Variants in DST observed in about 807,000 individuals in gnomAD.
The protein encoded by DST is dystonin.
Under a neutral mutation model 875.2 loss-of-function variants are expected in DST, and 253 were observed. That is an observed-to-expected ratio of 0.29 (90% CI 0.26 to 0.32). The LOEUF (loss-of-function observed/expected upper bound fraction) is 0.32. Ranked by LOEUF, DST falls within the 10% of genes least tolerant of loss-of-function variation. The pLI is 1.00. For synonymous variants in DST, 3,124 were observed against 3,197.1 expected (o/e 0.98, Z 0.77); for missense variants, 8,287 against 9,111.6 (o/e 0.91, Z 3.68).
intron 5 of DST, among the ~76,000 whole-genome samples, chr6:56,716,261 T>C (rs1488277553): frequency 6.6e-6 from 1 of 152,210 alleles, no homozygotes; most frequent in Non-Finnish European, 1.5e-5. Context: ...TGTACATTTA[T>C]GGACAACTGG....
At chr6:56,611,890 C>T (rs1057258262) in intron 37 of DST, among the ~76,000 whole-genome samples, 7 of 152,194 alleles carry the variant, frequency 4.6e-5, no homozygotes, top group Admixed American at 6.5e-5. Context: ...AAGGTGGCCT[C>T]CACCCGCAGG....
At chr6:56,528,948 T>C in intron 66 of DST, 23 bp from the exon 67 acceptor site, 1 of 1,470,292 alleles carries the variant, frequency 6.8e-7, no homozygotes, top group South Asian at 1.2e-5. Context: ...GTACCATTTT[T>C]ATGTGGGGGG....
intron 3 of DST, among the ~76,000 whole-genome samples, chr6:56,859,203 C>T (rs1769670744): frequency 6.6e-6 from 1 of 152,158 alleles, no homozygotes; most frequent in African/African-American, 2.4e-5. Flanking sequence ...ATAGTGAGCA[C>T]TCTCCTATTC....
At chr6:56,583,982 T>C (rs2098085835) in intron 49 of DST, among the ~76,000 whole-genome samples, 2 of 152,350 alleles carry the variant, frequency 1.3e-5, no homozygotes, top group Non-Finnish European at 1.5e-5. Context: ...ACCATGCTGT[T>C]TTGGTTACTG....
Position 56,642,859 on chromosome 6 carries a change from G to A in DST, c.1779-356C>T, listed in dbSNP as rs1437670153. The A allele has an allele frequency of 1.9e-6, 3 of 1,606,364 alleles. No homozygotes were observed. The African/African-American group carries it at 4.0e-5, about 21-fold the overall frequency. ...CTAAAAGGTAGGAGGTCTGGAAAAA[G>A]CTCTACTTCTAACGGTGAAAAGTGG... On this transcript the variant is annotated intron_variant, in intron 15 of 103. Coordinates refer to ENST00000680361, the MANE Select transcript of DST (RefSeq NM_001374736.1).
intron 4 of DST, among the ~76,000 whole-genome samples, chr6:56,808,671 A>G (rs1299360815): frequency 6.6e-6 from 1 of 152,216 alleles, no homozygotes; most frequent in African/African-American, 2.4e-5. Flanking sequence ...ACTTTTTGCT[A>G]TTCAAATTAA....
chr6:56,849,130 T>C (rs1488281180), intron 4 of DST, among the ~76,000 whole-genome samples: 1 of 148,238 alleles, frequency 6.7e-6, no homozygotes. Context: ...GAAGAATTCA[T>C]GCAATTTTTT....
intron 45 of DST, among the ~76,000 whole-genome samples, chr6:56,599,754 A>C (rs547685844): frequency 6.6e-4 from 101 of 152,224 alleles, no homozygotes; most frequent in African/African-American, 2.4e-3. Flanking sequence ...ATTTGCAAGT[A>C]GTAAGTAGGT....
At chr6:56,486,405 ACATGAC>A (rs1562300666) in intron 87 of DST, among the ~76,000 whole-genome samples, 26 of 149,596 alleles carry the variant, frequency 1.7e-4, no homozygotes, top group Non-Finnish European at 2.4e-4. Flanking sequence ...TTCAAAACTA[ACATGAC>A]AAAAACTTAC....
chr6:56,737,849 G>A (rs754178177), intron 4 of DST, among the ~76,000 whole-genome samples: 3 of 152,158 alleles, frequency 2.0e-5, no homozygotes, highest in Non-Finnish European at 4.4e-5. Flanking sequence ...ATCATATTAT[G>A]TACAAAATGT....
intron 3 of DST, chr6:56,871,089 G>C (rs1776873313): frequency 1.9e-6 from 1 of 527,104 alleles, no homozygotes; most frequent in African/African-American, 1.9e-5. Flanking sequence ...TTGCAGAAGA[G>C]AAAACATATA....
At chr6:56,531,142 A>G (rs537170252) in intron 64 of DST, among the ~76,000 whole-genome samples, 1 of 152,198 alleles carries the variant, frequency 6.6e-6, no homozygotes, top group Non-Finnish European at 1.5e-5. Context: ...CTGGATTATC[A>G]CTATCTGTGA....
chr6:56,952,450 A>G (rs935970540), intron 2 of DST, among the ~76,000 whole-genome samples: 1 of 152,208 alleles, frequency 6.6e-6, no homozygotes, highest in Non-Finnish European at 1.5e-5. Context: ...GGGCTGTTCT[A>G]TTGAATTAAT....
chr6:56,573,613 A>G (rs772048571), intron 51 of DST, 66 bp downstream of exon 51: 14 of 1,196,302 alleles, frequency 1.2e-5, no homozygotes, highest in Middle Eastern at 3.9e-4. Flanking sequence ...ATCTAACTAC[A>G]CTTTGAGCTT....
rs78908598 is a variant in DST, at chr6:56,939,015, A to C, written c.216+14770T>G. Among the ~76,000 whole-genome samples the C allele has an allele frequency of 1.2e-3, 188 of 152,372 alleles. 1 individual carries two copies. In the East Asian group the frequency reaches 0.017, roughly 14 times the overall value. ...TACTAAGTTTTAAATGGTTACAAAG[A>C]AGCAGCTAATTGATACACTACAAAG... On this transcript the variant is annotated intron_variant, in intron 2 of 103. Coordinates refer to ENST00000680361, the MANE Select transcript of DST (RefSeq NM_001374736.1).
rs901676675 is a variant in DST at position 56,873,268 on chromosome 6, C to A, written c.418-21664G>T. Among the ~76,000 whole-genome samples, 3 of 152,138 alleles carry A rather than the reference C, an allele frequency of 2.0e-5. No individual in the cohort carries two copies. In the South Asian group the frequency reaches 6.2e-4, roughly 32 times the overall value. On this transcript the variant is annotated intron_variant, in intron 3 of 103. Coordinates refer to ENST00000680361, the MANE Select transcript of DST (RefSeq NM_001374736.1). ...AATCACTTGTCAGATGAATAGCTGG[C>A]AAATATTTTTTTCCCATTCTGTGGG...
rs746870567 is a variant in DST, at chr6:56,604,299, C to T, written c.10329G>A (p.Glu3443=). ...CTTGCTTCAATATATTAAGGAGAAG[C>T]TCAGACTTAAGATTTCCAATACAGA... ...DPFCIGNLKS[E]LLLNILKQDQ... Residue 3443 remains glutamate, a synonymous_variant, in exon 40 of 104, where the codon GAG becomes GAA. Coordinates refer to ENST00000680361, the MANE Select transcript of DST (RefSeq NM_001374736.1). The T allele has an allele frequency of 6.2e-7, 1 of 1,612,276 alleles. No homozygotes were observed. Among genetic ancestry groups the T allele is most frequent in the East Asian group, 2.2e-5 (1 of 44,816 alleles).
At chr6:56,716,523 C>A (rs950186316) in intron 5 of DST, among the ~76,000 whole-genome samples, 1 of 152,136 alleles carries the variant, frequency 6.6e-6, no homozygotes, top group Non-Finnish European at 1.5e-5. Context: ...TTTTTAAAAA[C>A]TTAACAATAC....
rs184765745 is a variant in DST, at chr6:56,908,092, T to C, written c.217-7471A>G. On this transcript the variant is annotated intron_variant, in intron 2 of 103. Coordinates refer to ENST00000680361, the MANE Select transcript of DST (RefSeq NM_001374736.1). ...AAAACAAAAAAAGAAAATACATATATATATATACACACACACACACACACA... is the reference window on the plus strand; with the variant it reads ...AAAACAAAAAAAGAAAATACATATACATATATACACACACACACACACACA... Among the ~76,000 whole-genome samples, 1,362 of 144,556 alleles carry C rather than the reference T, an allele frequency of 9.4e-3. 8 individuals carry two copies. The highest frequency in any genetic ancestry group is 0.015 in the Non-Finnish European group (975 of 65,794). 94.8% of individuals were successfully genotyped at this position (144,556 alleles called of 152,430 possible).
Sources: gnomAD v4.1 joint callset for allele counts (sites outside exome capture counted in the v4.1 genomes callset) on GRCh38, gnomAD v4.1.1 for gene constraint, MANE v1.5 for transcripts, NCBI Gene and HGNC (gene_info 2026-07-23, HGNC 2026-07-21) for gene names.